Variants in PCLO observed in about 807,000 individuals in gnomAD.
PCLO encodes the protein piccolo presynaptic cytomatrix protein.
A neutral mutation model predicts 427.5 loss-of-function variants in PCLO; 82 were observed. The observed-to-expected ratio is 0.19, with a 90% CI of 0.16 to 0.23. The LOEUF is 0.23. PCLO is among the 10% of genes least tolerant of loss of function. PCLO has a pLI of 1.00. For synonymous variants in PCLO, 2,357 were observed against 2,155.4 expected, an observed-to-expected ratio of 1.09 and a Z score of -2.59; for missense variants, 6,239 against 6,115.9, an observed-to-expected ratio of 1.02 and a Z score of -0.67.
At chr7:82,769,093 G>A (rs1254438240) in intron 22 of PCLO, among the ~76,000 whole-genome samples, 1 of 152,098 alleles carries the variant, frequency 6.6e-6, no homozygotes, top group African/African-American at 2.4e-5. Flanking sequence ...GGCTACTTTA[G>A]ATTTTCTGTG....
chr7:83,037,711 A>G (rs970971258), intron 3 of PCLO, among the ~76,000 whole-genome samples: 21 of 151,294 alleles, frequency 1.4e-4, no homozygotes, highest in Non-Finnish European at 3.0e-4. Flanking sequence ...CTCTCATATT[A>G]TCCTAAAATA....
chr7:82,773,508 A>T (rs1790687046), intron 22 of PCLO, among the ~76,000 whole-genome samples: 1 of 152,152 alleles, frequency 6.6e-6, no homozygotes, highest in Admixed American at 6.5e-5. Context: ...AAATGCAATA[A>T]ATGTGATCCT....
chr7:82,833,026 C>T (rs886920107), intron 16 of PCLO, among the ~76,000 whole-genome samples: 1 of 152,110 alleles, frequency 6.6e-6, no homozygotes, highest in Non-Finnish European at 1.5e-5. Context: ...AACCCCTGCA[C>T]CTGGCACAGT....
chr7:82,849,824 C>T (rs1028250097), intron 10 of PCLO, among the ~76,000 whole-genome samples: 1 of 151,918 alleles, frequency 6.6e-6, no homozygotes, highest in African/African-American at 2.4e-5. Flanking sequence ...CAGCTTTTCA[C>T]ACTGCGTTTT....
At position 82,956,322 on chromosome 7, in the gene PCLO, T is replaced by A; in HGVS notation, c.4631A>T (p.Glu1544Val). ...CTCTTCCCCTGATCCTTGGCTGTCT[T>A]CCTGTTTATACTCATCACTGCTTGA... ...GSSSSDEYKQ[E>V]DSQGSGEEED... Residue 1544 changes from glutamate to valine, a missense_variant, in exon 5 of 25, where the codon GAA (glutamate) becomes GTA (valine). Transcript: ENST00000333891. 1 of 1,613,124 alleles carries A rather than the reference T, an allele frequency of 6.2e-7. No individual in the cohort carries two copies. Among genetic ancestry groups the A allele is most frequent in the East Asian group, 2.2e-5 (1 of 44,872 alleles).
intron 2 of PCLO, among the ~76,000 whole-genome samples, chr7:83,144,807 A>C (rs1487820471): frequency 6.6e-6 from 1 of 152,206 alleles, no homozygotes; most frequent in Non-Finnish European, 1.5e-5. Flanking sequence ...AATTTTCCCC[A>C]AAAATACAAT....
chr7:83,009,023 C>T (rs1169102574), intron 3 of PCLO, among the ~76,000 whole-genome samples: 1 of 151,442 alleles, frequency 6.6e-6, no homozygotes, highest in African/African-American at 2.4e-5. Flanking sequence ...AATTCTATAC[C>T]CATAAATATC....
intron 3 of PCLO, among the ~76,000 whole-genome samples, chr7:83,096,288 T>C (rs572953208): frequency 1.3e-5 from 2 of 152,254 alleles, no homozygotes; most frequent in South Asian, 4.1e-4. Context: ...ACTTGACCTA[T>C]GATTTAAACT....
At chr7:82,984,023 AT>A (rs1405044632) in intron 3 of PCLO, among the ~76,000 whole-genome samples, 4 of 152,152 alleles carry the variant, frequency 2.6e-5, no homozygotes, top group Non-Finnish European at 5.9e-5. Context: ...TATTAAAAAA[AT>A]GCTGTTAGAT....
At position 82,953,336 on chromosome 7, in the gene PCLO, A is replaced by G. The variant is rs778012903; in HGVS notation, c.7617T>C (p.Thr2539=). The change falls in exon 5 of 25, where the codon ACT becomes ACC. Residue 2539 remains threonine, a synonymous_variant. Transcript: ENST00000333891. ...TCACTAAATTTAAGGTCATACTTGAAGTTAAAGATAGGCCTGTTGGTTTGG... is the reference window on the plus strand; with the variant it reads ...TCACTAAATTTAAGGTCATACTTGAGGTTAAAGATAGGCCTGTTGGTTTGG... ...IHPKPTGLSL[T]SSMTLNLVTS... is the part of the protein sequence containing the mutation. The G allele has an allele frequency of 5.6e-6, 9 of 1,613,826 alleles. No individual in the cohort carries two copies. The highest frequency in any genetic ancestry group is 1.6e-4 in the Middle Eastern group (1 of 6,062).
chr7:82,956,453 A>T lies in PCLO; in HGVS notation c.4500T>A (p.Val1500=). ...SKDHKEKSEF[V]DDITTRREPY... Reference sequence around the variant, plus strand: ...GCTCTCTTCTAGTAGTTATGTCATCAACAAACTCAGACTTCTCTTTATGGT... The same window carrying T: ...GCTCTCTTCTAGTAGTTATGTCATCTACAAACTCAGACTTCTCTTTATGGT... Residue 1500 remains valine (V), a synonymous_variant, in exon 5 of 25, where the codon GTT becomes GTA. Coordinates refer to ENST00000333891, the MANE Select transcript of PCLO (RefSeq NM_033026.6). 1 of 1,613,824 alleles carries T rather than the reference A, an allele frequency of 6.2e-7. No homozygotes were observed. The highest frequency in any genetic ancestry group is 1.1e-5 in the South Asian group (1 of 91,072).
At chr7:82,800,440 A>C (rs1583988298) in intron 22 of PCLO, among the ~76,000 whole-genome samples, 2 of 152,130 alleles carry the variant, frequency 1.3e-5, no homozygotes, top group East Asian at 3.9e-4. Context: ...GTTTCCTTTT[A>C]TATAAAGCCA....
chr7:82,854,567 T>C (rs1018530763), intron 10 of PCLO, among the ~76,000 whole-genome samples: 3 of 152,192 alleles, frequency 2.0e-5, no homozygotes, highest in African/African-American at 4.8e-5. Context: ...AGTATCATCC[T>C]ACTCTTTTGC....
At position 82,772,660 on chromosome 7, in the gene PCLO, T is replaced by A. The variant is rs370551638; in HGVS notation, c.15008-11167A>T. On this transcript the variant is annotated intron_variant, in intron 22 of 24. Transcript: ENST00000333891. The stretch of plus-strand genomic sequence containing the variant: ...CTCTGTATTCTGTTATATAAAGAAA[T>A]CCTTTCTTTCTGAGATAAAGCCAGA... Among the ~76,000 whole-genome samples the A allele has an allele frequency of 2.8e-4, 43 of 152,278 alleles. No individual in the cohort carries two copies. The East Asian group carries it at 5.0e-3, about 18-fold the overall frequency.
At position 82,944,281 on chromosome 7, in the gene PCLO, T is replaced by C. The variant is rs546549512; in HGVS notation, c.11112+5195A>G. Among the ~76,000 whole-genome samples the C allele has an allele frequency of 2.6e-4, 40 of 152,020 alleles. No homozygotes were observed. The South Asian group carries it at 5.8e-3, about 22-fold the overall frequency. On this transcript the variant is annotated intron_variant, in intron 6 of 24. Transcript: ENST00000333891. The stretch of plus-strand genomic sequence containing the variant: ...TGAGGGATTTATGAATCCTGCAAAA[T>C]TGAAAATTATTTGATGGATAAAGAG...
At chr7:83,003,968 TG>T (rs1401201890) in intron 3 of PCLO, among the ~76,000 whole-genome samples, 1 of 151,796 alleles carries the variant, frequency 6.6e-6, no homozygotes, top group Non-Finnish European at 1.5e-5. Flanking sequence ...TGAAGTTATC[TG>T]GTATTGGGCT....
chr7:82,809,078 C>T (rs1170253044), intron 20 of PCLO, among the ~76,000 whole-genome samples: 2 of 151,828 alleles, frequency 1.3e-5, no homozygotes. Context: ...AATAAAACAT[C>T]AATTCTATTA....
At chr7:82,855,176 C>A (rs1266109242) in intron 10 of PCLO, among the ~76,000 whole-genome samples, 1 of 152,036 alleles carries the variant, frequency 6.6e-6, no homozygotes, top group African/African-American at 2.4e-5. Flanking sequence ...AAAAGGATTT[C>A]ATCGTCAAAT....
chr7:82,768,494 C>T (rs1024946864), intron 22 of PCLO, among the ~76,000 whole-genome samples: 6 of 151,444 alleles, frequency 4.0e-5, no homozygotes, highest in South Asian at 2.1e-4. Context: ...TCTTAAACTT[C>T]GTGAAAATTT....
Sources: allele counts gnomAD v4.1 joint callset (sites outside exome capture counted in the v4.1 genomes callset), GRCh38; gene constraint gnomAD v4.1.1; transcripts MANE v1.5; gene names NCBI Gene and HGNC (gene_info 2026-07-23, HGNC 2026-07-21).